PDE1A: variants seen among roughly 807,000 people sequenced by gnomAD.
The protein encoded by PDE1A is dual specificity calcium/calmodulin-dependent 3',5'-cyclic nucleotide phosphodiesterase 1A.
A neutral mutation model predicts 61.7 loss-of-function variants in PDE1A; 35 were observed. The ratio of observed to expected loss-of-function variants is 0.57; its 90% CI spans 0.43 to 0.75. The LOEUF (loss-of-function observed/expected upper bound fraction) is 0.75. PDE1A is among the 30% of genes least tolerant of loss of function. The probability of loss-of-function intolerance (pLI) is 0.00; values close to 1 mark genes in which losing one functional copy is unlikely to be tolerated. For synonymous variants in PDE1A, 232 were observed against 213.2 expected, an observed-to-expected ratio of 1.09 and a Z score of -0.77; for missense variants, 597 against 630.6, an observed-to-expected ratio of 0.95 and a Z score of 0.57.
chr2:182,215,508 C>T (rs1458622467), intron 7 of PDE1A, among the ~76,000 whole-genome samples: 19 of 151,612 alleles, frequency 1.3e-4, no homozygotes, highest in African/African-American at 4.4e-4. Flanking sequence ...ACAAAATTGA[C>T]AGACCGCTAG....
intron 1 of PDE1A, among the ~76,000 whole-genome samples, chr2:182,328,555 T>C (rs1426439027): frequency 6.6e-6 from 1 of 151,992 alleles, no homozygotes; most frequent in East Asian, 1.9e-4. Context: ...ATTTTTGGAG[T>C]TGGAATACGA....
intron 1 of PDE1A, among the ~76,000 whole-genome samples, chr2:182,295,831 G>A (rs1244574104): frequency 6.6e-6 from 1 of 152,118 alleles, no homozygotes; most frequent in Non-Finnish European, 1.5e-5. Flanking sequence ...AAACCTGGAT[G>A]TTGTTAACTA....
rs145887360 is a variant in PDE1A, at chr2:182,345,831, C to T, written c.53+80747G>A. Among the ~76,000 whole-genome samples the T allele has an allele frequency of 8.1e-3, 1,237 of 152,258 alleles. 10 individuals carry two copies. The highest frequency in any genetic ancestry group is 0.03 in the South Asian group (145 of 4,830). ...TCTGCCAGCACTCTCATGTCCCCTC[C>T]CCGTGATTGCCTTTGCGTTATTTCC... On this transcript the variant is annotated intron_variant, in intron 1 of 13. Transcript: ENST00000351439.
chr2:182,367,709 T>C (rs1038160721), intron 1 of PDE1A, among the ~76,000 whole-genome samples: 1 of 152,126 alleles, frequency 6.6e-6, no homozygotes, highest in Non-Finnish European at 1.5e-5. Flanking sequence ...TAGTACCTAA[T>C]ACTTTAAAAA....
chr2:182,279,567 T>C (rs988905507), intron 1 of PDE1A, among the ~76,000 whole-genome samples: 2 of 151,928 alleles, frequency 1.3e-5, no homozygotes, highest in East Asian at 3.9e-4. Flanking sequence ...GGTCTACATA[T>C]CTTCAGGAAA....
At chr2:182,168,321 T>A in intron 13 of PDE1A, 1 of 1,552,560 alleles carries the variant, frequency 6.4e-7, no homozygotes, top group Non-Finnish European at 8.7e-7. Context: ...CTTATTTTAA[T>A]AATTTAGAGA....
At chr2:182,631,887 G>C in the PDE1A span, among the ~76,000 whole-genome samples, 2 of 152,152 alleles carry the variant, frequency 1.3e-5, no homozygotes, top group Non-Finnish European at 2.9e-5. Flanking sequence ...AGCTGAAACA[G>C]CAATAATTAC....
At chr2:182,460,425 G>C (rs11891405) in intron 2 of PDE1A, among the ~76,000 whole-genome samples, 10,704 of 152,148 alleles carry the variant, frequency 0.07, 1,211 homozygotes, top group African/African-American at 0.24. Context: ...ATTTTTAAGA[G>C]ATGGGGTGTC....
At chr2:182,659,468 T>C in the PDE1A span, among the ~76,000 whole-genome samples, 106,710 of 152,110 alleles carry the variant, frequency 0.7, 37,578 homozygotes, top group Middle Eastern at 0.76. Context: ...ACATAAATCT[T>C]GAGGTAAATG....
intron 1 of PDE1A, among the ~76,000 whole-genome samples, chr2:182,269,442 C>T (rs551050702): frequency 6.6e-5 from 10 of 151,574 alleles, no homozygotes; most frequent in Non-Finnish European, 1.3e-4. Flanking sequence ...GAGCCAAGAT[C>T]GCCACGATTG....
chr2:182,262,226 TTCTC>T (rs1274910358), intron 2 of PDE1A, among the ~76,000 whole-genome samples: 2 of 66,638 alleles, frequency 3.0e-5, no homozygotes, highest in Non-Finnish European at 5.4e-5. Flanking sequence ...TTCTTTTTCT[TTCTC>T]TCTTTCTTTC....
the PDE1A span, among the ~76,000 whole-genome samples, chr2:182,662,904 T>C: frequency 0.097 from 14,713 of 152,082 alleles, 2,297 homozygotes; most frequent in African/African-American, 0.33. Context: ...ACCTAGAGAA[T>C]GGGAGAAAAA....
the PDE1A span, among the ~76,000 whole-genome samples, chr2:182,567,277 T>C: frequency 1.3e-5 from 2 of 152,326 alleles, no homozygotes; most frequent in South Asian, 4.1e-4. Context: ...AACTTCGTTT[T>C]CCTGGCATAT....
intron 1 of PDE1A, among the ~76,000 whole-genome samples, chr2:182,398,168 T>G (rs1435471013): frequency 1.3e-5 from 2 of 152,038 alleles, no homozygotes; most frequent in African/African-American, 4.8e-5. Context: ...GAGGAAATTC[T>G]TATTCTACTC....
At chr2:182,292,366 CA>C (rs1017870445) in intron 1 of PDE1A, among the ~76,000 whole-genome samples, 2 of 151,764 alleles carry the variant, frequency 1.3e-5, no homozygotes, top group African/African-American at 2.4e-5. Flanking sequence ...CATTTATAAA[CA>C]AAAAAATTAT....
rs193024474 is a variant in PDE1A at position 182,497,257 on chromosome 2, G to A, written c.101+25019C>T. On this transcript the variant is annotated intron_variant, in intron 2 of 14. Coordinates refer to the PDE1A transcript ENST00000410103. ...TAACAAAATCCAAGAGAATCAATTC[G>A]TTTTCGGGAGTGTGGAAACTAGGTG... 1.6e-3 allele frequency among the ~76,000 whole-genome samples: 237 copies of A among 152,260 alleles called. 2 individuals carry two copies. Among genetic ancestry groups the A allele is most frequent in the East Asian group, 0.014 (72 of 5,172 alleles).
At chr2:182,212,887 G>A (rs563591697) in intron 7 of PDE1A, among the ~76,000 whole-genome samples, 114 of 152,114 alleles carry the variant, frequency 7.5e-4, no homozygotes, top group African/African-American at 2.6e-3. Flanking sequence ...CAAAGCAGCC[G>A]GGAAGCTCGA....
chr2:182,439,268 AG>A (rs1684639287), intron 2 of PDE1A, among the ~76,000 whole-genome samples: 1 of 151,896 alleles, frequency 6.6e-6, no homozygotes, highest in Admixed American at 6.6e-5. Flanking sequence ...TGAATGGTGC[AG>A]GGGGGTAGTG....
chr2:182,329,314 A>G (rs1697250816), intron 1 of PDE1A, among the ~76,000 whole-genome samples: 1 of 152,192 alleles, frequency 6.6e-6, no homozygotes, highest in South Asian at 2.1e-4. Context: ...TCTTCATCAG[A>G]AACTTTTTCT....
Sources: allele counts gnomAD v4.1 joint callset (sites outside exome capture counted in the v4.1 genomes callset), GRCh38; gene constraint gnomAD v4.1.1; transcripts MANE v1.5; gene names NCBI Gene and HGNC (gene_info 2026-07-23, HGNC 2026-07-21).